The following TAF5 variants were observed in gnomAD, a reference collection of about 807,000 sequenced individuals.
The protein encoded by TAF5 is TATA-box binding protein associated factor 5.
A neutral mutation model predicts 80.9 loss-of-function variants in TAF5; 20 were observed. That is an observed-to-expected ratio of 0.25 (90% CI 0.17 to 0.36). The LOEUF (loss-of-function observed/expected upper bound fraction) is 0.36, where lower values mean the gene tolerates loss of function less well. TAF5 is among the 10% of genes least tolerant of loss of function. The probability of loss-of-function intolerance (pLI) is 1.00; values close to 1 mark genes in which losing one functional copy is unlikely to be tolerated. For synonymous variants in TAF5, 388 were observed against 406.4 expected (o/e 0.95, Z 0.55); for missense variants, 863 against 1,029.4 (o/e 0.84, Z 2.21).
At chr10:103,375,750 G>C (rs997707452) in intron 2 of TAF5, among the ~76,000 whole-genome samples, 3 of 152,002 alleles carry the variant, frequency 2.0e-5, no homozygotes, top group Non-Finnish European at 4.4e-5. Flanking sequence ...AGAAGCCAAG[G>C]GAAAGGAGTA....
intron 1 of TAF5, among the ~76,000 whole-genome samples, chr10:103,372,576 C>T (rs1393922826): frequency 6.7e-6 from 1 of 150,124 alleles, no homozygotes; most frequent in African/African-American, 2.4e-5. Flanking sequence ...CCTCGTGATC[C>T]ACCTGTCTCA....
At chr10:103,384,258 T>A (rs1181622537) in intron 7 of TAF5, among the ~76,000 whole-genome samples, 1 of 152,220 alleles carries the variant, frequency 6.6e-6, no homozygotes, top group East Asian at 1.9e-4. Context: ...TTTGCCTATT[T>A]TTCATGATCT....
chr10:103,383,292 A>G lies in TAF5; in HGVS notation c.1589A>G (p.Glu530Gly). 6.2e-7 allele frequency: 1 copy of G among 1,608,864 alleles called. No homozygotes were observed. The highest frequency in any genetic ancestry group is 8.5e-7 in the Non-Finnish European group (1 of 1,178,632). ...GATGTCTTAGAAAGAATCATGGATG[A>G]GAAAACAGCAAGTGAGTTGAAGATT... ...SDDVLERIMD[E>G]KTASELKILY... Residue 530 changes from glutamate to glycine, a missense_variant, in exon 7 of 11, where the codon GAG (glutamate) becomes GGG (glycine). By Grantham distance (98) the Glu-to-Gly change is moderately conservative (BLOSUM62 -2). Around this residue, in one of 3 missense-constraint regions of TAF5, gnomAD observed 368 missense variants for 461.7 expected, o/e 0.80. Transcript: ENST00000369839.
rs1198691427 is a variant in TAF5, at chr10:103,378,894, A to G, written c.1113+344A>G. Reference sequence around the variant, plus strand: ...AGGCTGGTCTCGAACTCCTGACCTCAGATGATCCACCCGACTCCGCCTCCC... The same window carrying G: ...AGGCTGGTCTCGAACTCCTGACCTCGGATGATCCACCCGACTCCGCCTCCC... On this transcript the variant is annotated intron_variant, in intron 3 of 10. Coordinates refer to ENST00000369839, the MANE Select transcript of TAF5 (RefSeq NM_006951.5). The surrounding 1 kb of genome is among the most constrained non-coding windows in gnomAD (Gnocchi z 4.1). 6.6e-6 allele frequency among the ~76,000 whole-genome samples: 1 copy of G among 152,204 alleles called. No individual in the cohort carries two copies.
intron 6 of TAF5, 59 bp from the exon 7 acceptor site, chr10:103,383,179 T>C (rs1444408207): frequency 2.1e-6 from 3 of 1,449,976 alleles, no homozygotes; most frequent in Non-Finnish European, 2.8e-6. Flanking sequence ...GTGATATGAT[T>C]ACTTTAAAAG....
intron 1 of TAF5, 129 bp downstream of exon 1, chr10:103,368,677 C>T: frequency 8.0e-7 from 1 of 1,243,130 alleles, no homozygotes; most frequent in Non-Finnish European, 1.1e-6. Flanking sequence ...GGGCCACATG[C>T]CCGCCCCTTT....
intron 3 of TAF5, among the ~76,000 whole-genome samples, chr10:103,379,341 A>G (rs2093376917): frequency 1.3e-5 from 2 of 152,204 alleles, no homozygotes; most frequent in South Asian, 4.1e-4. Context: ...TTTTGATACA[A>G]CCATACCCAG....
chr10:103,379,555 G>T, intron 3 of TAF5, 53 bp from the exon 4 acceptor site: 1 of 1,368,008 alleles, frequency 7.3e-7, no homozygotes, highest in South Asian at 1.4e-5. Flanking sequence ...GATGTAAAAT[G>T]GGTATATTAA....
chr10:103,384,384 A>G (rs969710993), intron 7 of TAF5, among the ~76,000 whole-genome samples: 7 of 152,192 alleles, frequency 4.6e-5, no homozygotes, highest in Admixed American at 3.9e-4. Context: ...TAATCCCAGC[A>G]CTTTGGGAGT....
Position 103,385,368 on chromosome 10 carries a change from G to T in TAF5, c.1707G>T (p.Leu569Phe). Residue 569 changes from leucine to phenylalanine, a missense_variant, in exon 8 of 11, where the codon TTG becomes TTT. Around this residue, in one of 3 missense-constraint regions of TAF5, gnomAD observed 368 missense variants for 461.7 expected, o/e 0.80. Coordinates refer to ENST00000369839, the MANE Select transcript of TAF5 (RefSeq NM_006951.5). Reference sequence around the variant, plus strand: ...CTTCAGAGGACGGAACTGTTAGATTGTGGAGCCTTCAAACATTTACTTGTT... The same window carrying T: ...CTTCAGAGGACGGAACTGTTAGATTTTGGAGCCTTCAAACATTTACTTGTT... ...LSSSEDGTVR[L>F]WSLQTFTCLV... The T allele has an allele frequency of 6.2e-7, 1 of 1,613,878 alleles. No individual in the cohort carries two copies. Among genetic ancestry groups the T allele is most frequent in the Non-Finnish European group, 8.5e-7 (1 of 1,179,826 alleles).
At chr10:103,385,925 C>CAAAA (rs761128565) in intron 8 of TAF5, among the ~76,000 whole-genome samples, 73 of 41,210 alleles carry the variant, frequency 1.8e-3, no homozygotes, top group Non-Finnish European at 2.1e-3. Context: ...GACTTCATCT[C>CAAAA]AAAAAAAAAA....
chr10:103,382,846 A>G (rs186004958), intron 6 of TAF5, among the ~76,000 whole-genome samples: 1 of 152,040 alleles, frequency 6.6e-6, no homozygotes, highest in Non-Finnish European at 1.5e-5. Flanking sequence ...GGGTTTCTCC[A>G]TGTTGTCCAG....
In TAF5 at chr10:103,368,204, C is replaced by A; in HGVS notation, c.215C>A (p.Ala72Asp). Reference sequence around the variant, plus strand: ...CCCAAGCCCACGGTGGCTGTCTCCGCCGCTGCCCCGGCGGGGGCGGCCCCG... The same window carrying A: ...CCCAAGCCCACGGTGGCTGTCTCCGACGCTGCCCCGGCGGGGGCGGCCCCG... ...GTPKPTVAVS[A>D]AAPAGAAPVP... The change falls in exon 1 of 11, where the codon GCC becomes GAC. Residue 72 changes from alanine to aspartate, a missense_variant. Around this residue, in one of 3 missense-constraint regions of TAF5, gnomAD observed 367 missense variants for 335.5 expected, o/e 1.09. Coordinates refer to ENST00000369839, the MANE Select transcript of TAF5 (RefSeq NM_006951.5). 7.1e-7 allele frequency: 1 copy of A among 1,405,416 alleles called. No homozygotes were observed. The allele number at this position is 1,405,416 out of a possible 1,614,324, so 87.1% of individuals were successfully genotyped here. A position where few individuals can be genotyped will look rare whatever the true frequency, so the allele number is the denominator to read the frequency against.
chr10:103,387,118 G>A, intron 8 of TAF5, 57 bp from the exon 9 acceptor site: 2 of 1,498,402 alleles, frequency 1.3e-6, no homozygotes, highest in Non-Finnish European at 1.8e-6. Flanking sequence ...ATAGATTTTT[G>A]GCGTTTCACA....
Position 103,368,500 on chromosome 10 carries a change from G to T in TAF5, c.511G>T (p.Ala171Ser), listed in dbSNP as rs557859074. 9.2e-5 allele frequency: 144 copies of T among 1,570,784 alleles called. No homozygotes were observed. The African/African-American group carries it at 1.7e-3, about 18-fold the overall frequency. The change falls in exon 1 of 11, where the codon GCC (alanine) becomes TCC (serine). Residue 171 changes from alanine (A) to serine (S), a missense_variant. Coordinates refer to ENST00000369839, the MANE Select transcript of TAF5 (RefSeq NM_006951.5). ...CCCTCCGGGCACTGGCGCTTCGGGG[G>T]CCACGGTCGTCTCAGGTTCAGCCTC... is the stretch of plus-strand genomic sequence containing the variant. Reference protein sequence around the residue: ...PDPPGTGASGATVVSGSASGP... With the variant: ...PDPPGTGASGSTVVSGSASGP...
intron 10 of TAF5, 40 bp from the exon 11 acceptor site, chr10:103,387,966 T>A (rs767603875): frequency 6.4e-7 from 1 of 1,559,834 alleles, no homozygotes; most frequent in Admixed American, 1.7e-5. Flanking sequence ...AATGTAAATA[T>A]GATGGATGCA....
At position 103,374,389 on chromosome 10, in the gene TAF5, A is replaced by G. The variant is rs142059925; in HGVS notation, c.797+794A>G. Among the ~76,000 whole-genome samples, 4 of 152,216 alleles carry G rather than the reference A, an allele frequency of 2.6e-5. No homozygotes were observed. The highest frequency in any genetic ancestry group is 1.9e-4 in the East Asian group (1 of 5,180). ...GTTGCTCTCTCATGCTTTTCATGCA[A>G]TTTCCACCTTGTGGCATAAGATGGT... On this transcript the variant is annotated intron_variant, in intron 2 of 10. Transcript: ENST00000369839. This position sits in a 1 kb window ranked among gnomAD's most constrained non-coding sequence, Gnocchi z 4.3.
In TAF5 at chr10:103,383,608, C is replaced by T. The variant is rs558485469; in HGVS notation, c.1664+241C>T. On this transcript the variant is annotated intron_variant, in intron 7 of 10. Transcript: ENST00000369839. ...TTTTTTTTTTTTTGAGACAGAGTTT[C>T]GCTCTTGTTGCCCAGGTTGGAGTGC... Among the ~76,000 whole-genome samples, 295 of 118,328 alleles carry T rather than the reference C, an allele frequency of 2.5e-3. 1 individual carries two copies. Among genetic ancestry groups the T allele is most frequent in the African/African-American group, 9.2e-3 (285 of 30,892 alleles). The allele number at this position is 118,328 out of a possible 152,430, so 77.6% of individuals were successfully genotyped here.
intron 1 of TAF5, among the ~76,000 whole-genome samples, chr10:103,370,836 G>T (rs2093357973): frequency 6.6e-6 from 1 of 152,198 alleles, no homozygotes; most frequent in East Asian, 1.9e-4. Context: ...AGAGCTTTTA[G>T]CCAAATTAGT....
Sources: gnomAD v4.1 joint callset for allele counts (sites outside exome capture counted in the v4.1 genomes callset) on GRCh38, gnomAD v4.1.1 for gene constraint, gnomAD v4.1.1 regional missense constraint, Gnocchi (gnomAD v3.1) non-coding constraint, MANE v1.5 for transcripts, NCBI Gene and HGNC (gene_info 2026-07-23, HGNC 2026-07-21) for gene names.